BRINP1: variants seen among roughly 807,000 people sequenced by gnomAD.
BRINP1 encodes the protein BMP/retinoic acid-inducible neural-specific protein 1.
BRINP1 carries 17 observed loss-of-function variants against 72.9 expected under a neutral mutation model. The ratio of observed to expected loss-of-function variants is 0.23; its 90% confidence interval spans 0.16 to 0.35. The LOEUF (loss-of-function observed/expected upper bound fraction) is 0.35. Among genes scored for constraint, BRINP1 ranks in the 10% least tolerant of loss-of-function variants. The pLI is 1.00. For missense variants in BRINP1, 850 were observed against 1,001.6 expected, an observed-to-expected ratio of 0.85 and a Z score of 2.04; for synonymous variants, 418 against 378.5, an observed-to-expected ratio of 1.10 and a Z score of -1.21.
At chr9:119,168,767 ATTGATGATCT>A (rs1564207539) in intron 7 of BRINP1, among the ~76,000 whole-genome samples, 1 of 142,326 alleles carries the variant, frequency 7.0e-6, no homozygotes, top group East Asian at 2.3e-4. Context: ...AGTGATTTCT[ATTGATGATCT>A]TACATGATCC....
At chr9:119,297,340 G>A (rs1344716667) in intron 2 of BRINP1, among the ~76,000 whole-genome samples, 3 of 152,160 alleles carry the variant, frequency 2.0e-5, no homozygotes, top group Non-Finnish European at 4.4e-5. Context: ...GGTTCCCAAG[G>A]CTGCGCTCCC....
At chr9:119,257,258 T>C (rs1830455016) in intron 2 of BRINP1, among the ~76,000 whole-genome samples, 1 of 152,002 alleles carries the variant, frequency 6.6e-6, no homozygotes, top group Non-Finnish European at 1.5e-5. Flanking sequence ...ATCAATAGAG[T>C]TGATGCTGGT....
chr9:119,169,330 T>G (rs972003709), intron 7 of BRINP1, among the ~76,000 whole-genome samples: 6 of 152,218 alleles, frequency 3.9e-5, no homozygotes, highest in African/African-American at 1.4e-4. Flanking sequence ...GTGCAAGGGG[T>G]CAGGGAGTTC....
intron 7 of BRINP1, among the ~76,000 whole-genome samples, chr9:119,201,716 G>T (rs950914231): frequency 1.3e-5 from 2 of 152,196 alleles, no homozygotes; most frequent in Non-Finnish European, 2.9e-5. Flanking sequence ...CCAGAGGCTA[G>T]ATAATGATGG....
At chr9:119,214,470 TG>T (rs1219773399) in intron 5 of BRINP1, among the ~76,000 whole-genome samples, 1 of 152,218 alleles carries the variant, frequency 6.6e-6, no homozygotes, top group African/African-American at 2.4e-5. Context: ...AAACTCTTAT[TG>T]AAAATATAAC....
At chr9:119,359,239 G>A (rs903909655) in intron 1 of BRINP1, among the ~76,000 whole-genome samples, 6 of 152,080 alleles carry the variant, frequency 3.9e-5, no homozygotes, top group African/African-American at 1.2e-4. Flanking sequence ...TGTTACCCAC[G>A]CTGAATTGCA....
intron 2 of BRINP1, among the ~76,000 whole-genome samples, chr9:119,277,203 C>T (rs755241844): frequency 2.9e-4 from 44 of 152,142 alleles, no homozygotes; most frequent in Non-Finnish European, 5.4e-4. Context: ...ACCCATTCAC[C>T]TGTTGAAGGA....
intron 1 of BRINP1, among the ~76,000 whole-genome samples, chr9:119,317,110 G>C (rs1831132976): frequency 6.7e-6 from 1 of 148,848 alleles, no homozygotes; most frequent in Admixed American, 6.6e-5. Context: ...ATAAAATAAA[G>C]AAAAAAGAAA....
intron 2 of BRINP1, among the ~76,000 whole-genome samples, chr9:119,304,385 A>G (rs1211713183): frequency 6.6e-6 from 1 of 152,202 alleles, no homozygotes; most frequent in Non-Finnish European, 1.5e-5. Flanking sequence ...TGTATGGTTC[A>G]CAAAAGGTTA....
At chr9:119,185,608 G>C (rs1364823224) in intron 7 of BRINP1, among the ~76,000 whole-genome samples, 2 of 152,216 alleles carry the variant, frequency 1.3e-5, no homozygotes, top group Non-Finnish European at 2.9e-5. Context: ...AGTACAGTAA[G>C]GGGGTGGTGA....
intron 5 of BRINP1, among the ~76,000 whole-genome samples, chr9:119,214,573 T>G (rs1251485955): frequency 7.1e-6 from 1 of 141,078 alleles, no homozygotes; most frequent in Non-Finnish European, 1.5e-5. Context: ...AGCTAGGCAC[T>G]AGGCCTGTAG....
In BRINP1 at chr9:119,369,124, T is replaced by C; in HGVS notation, c.-119A>G. 2.5e-6 allele frequency: 1 copy of C among 397,680 alleles called. No individual in the cohort carries two copies. The highest frequency in any genetic ancestry group is 4.4e-6 in the Non-Finnish European group (1 of 225,732). 24.6% of individuals were successfully genotyped at this position (397,680 alleles called of 1,614,324 possible). On this transcript the variant is annotated 5_prime_UTR_variant, in exon 1 of 8. Transcript: ENST00000265922. Reference sequence around the variant, plus strand: ...CTTTTTATTCGGCTCGGTGGGAACTTGGGAGAGCCCTGCGTGCAGCTCGCA... The same window carrying C: ...CTTTTTATTCGGCTCGGTGGGAACTCGGGAGAGCCCTGCGTGCAGCTCGCA...
chr9:119,247,467 C>T (rs1564227826), intron 3 of BRINP1, among the ~76,000 whole-genome samples: 1 of 151,248 alleles, frequency 6.6e-6, no homozygotes, highest in Non-Finnish European at 1.5e-5. Context: ...CCTGTCAACA[C>T]GGTGAAACCC....
At chr9:119,198,388 C>T (rs750899110) in intron 7 of BRINP1, among the ~76,000 whole-genome samples, 12 of 152,184 alleles carry the variant, frequency 7.9e-5, no homozygotes, top group Non-Finnish European at 1.6e-4. Context: ...TTCTCTCCAT[C>T]ACGCCATGCA....
chr9:119,228,841 GTGGGGAAACCA>G (rs1830120239), intron 5 of BRINP1, among the ~76,000 whole-genome samples: 1 of 152,108 alleles, frequency 6.6e-6, no homozygotes, highest in South Asian at 2.1e-4. Flanking sequence ...CCCCACGAAT[GTGGGGAAACCA>G]TGGAGTGATT....
intron 1 of BRINP1, among the ~76,000 whole-genome samples, chr9:119,352,025 C>T (rs545613140): frequency 2.9e-4 from 44 of 151,706 alleles, no homozygotes; most frequent in African/African-American, 1.0e-3. Flanking sequence ...CTCGAACTCC[C>T]GACCTCAGAT....
intron 6 of BRINP1, among the ~76,000 whole-genome samples, chr9:119,211,933 A>G (rs1829933409): frequency 6.6e-6 from 1 of 152,010 alleles, no homozygotes; most frequent in African/African-American, 2.4e-5. Context: ...TTTCCTTGGG[A>G]ATAAGGATTG....
intron 1 of BRINP1, among the ~76,000 whole-genome samples, chr9:119,344,993 C>G (rs974455623): frequency 6.6e-6 from 1 of 152,174 alleles, no homozygotes; most frequent in African/African-American, 2.4e-5. Context: ...ACATTGTTGA[C>G]AAACTTCTGA....
At chr9:119,225,557 G>A (rs1448095740) in intron 5 of BRINP1, among the ~76,000 whole-genome samples, 1 of 151,752 alleles carries the variant, frequency 6.6e-6, no homozygotes, top group African/African-American at 2.4e-5. Context: ...ACTTTTTATT[G>A]TTGTATTATT....
Sources: allele counts gnomAD v4.1 joint callset (sites outside exome capture counted in the v4.1 genomes callset), GRCh38; gene constraint gnomAD v4.1.1; transcripts MANE v1.5; gene names NCBI Gene and HGNC (gene_info 2026-07-23, HGNC 2026-07-21).